The following COMMD1 variants were observed in gnomAD, a reference collection of about 807,000 sequenced individuals.
COMMD1 encodes copper metabolism domain containing 1.
Under a neutral mutation model 17.2 loss-of-function variants are expected in COMMD1, and 10 were observed. The ratio of observed to expected loss-of-function variants is 0.58; its 90% CI spans 0.36 to 0.99. The LOEUF (loss-of-function observed/expected upper bound fraction) is 0.99, where lower values mean the gene tolerates loss of function less well. Among genes scored for constraint, COMMD1 ranks in the 50% least tolerant of loss-of-function variants. COMMD1 has a pLI of 0.01. For synonymous variants in COMMD1, 97 were observed against 91.6 expected (o/e 1.06, Z -0.34); for missense variants, 270 against 231.8 (o/e 1.17, Z -1.07).
chr2:61,970,572 G>C (rs187895448), intron 1 of COMMD1, among the ~76,000 whole-genome samples: 3 of 152,066 alleles, frequency 2.0e-5, no homozygotes, highest in Admixed American at 2.0e-4. Context: ...AAAAAGTTTG[G>C]TACATGTTTA....
chr2:62,083,735 G>T (rs1212592073), intron 2 of COMMD1, among the ~76,000 whole-genome samples: 2 of 152,210 alleles, frequency 1.3e-5, no homozygotes, highest in African/African-American at 4.8e-5. Context: ...AACAAGTTTT[G>T]CCCAAGGGGC....
intron 1 of COMMD1, among the ~76,000 whole-genome samples, chr2:61,949,662 TAAA>T (rs756145318): frequency 9.2e-6 from 1 of 109,182 alleles, no homozygotes; most frequent in African/African-American, 3.3e-5. Flanking sequence ...TCAGTTAAAA[TAAA>T]AAAAAGAATG....
intron 1 of COMMD1, among the ~76,000 whole-genome samples, chr2:61,975,118 C>CTTTTTT: frequency 2.4e-3 from 190 of 80,110 alleles, no homozygotes; most frequent in East Asian, 4.1e-3. Context: ...TCATTTCTTT[C>CTTTTTT]TTTTTTTTTT....
chr2:61,908,347 C>T (rs892024781), intron 1 of COMMD1, among the ~76,000 whole-genome samples: 1 of 151,812 alleles, frequency 6.6e-6, no homozygotes, highest in Non-Finnish European at 1.5e-5. Context: ...CTGCCTCAGC[C>T]TCCCGAGTAG....
intron 2 of COMMD1, among the ~76,000 whole-genome samples, chr2:62,019,023 TTCCCTCCC>T (rs201583202): frequency 7.7e-6 from 1 of 129,346 alleles, no homozygotes; most frequent in African/African-American, 3.9e-5. Context: ...ACCAACCAAC[TTCCCTCCC>T]TCCCTCCCTC....
intron 1 of COMMD1, among the ~76,000 whole-genome samples, chr2:61,945,795 A>G (rs1670890032): frequency 6.6e-6 from 1 of 152,232 alleles, no homozygotes; most frequent in Admixed American, 6.5e-5. Flanking sequence ...GCAGATTTAA[A>G]GACATTCTCA....
At chr2:62,111,779 G>A (rs1483925646) in intron 2 of COMMD1, among the ~76,000 whole-genome samples, 1 of 152,166 alleles carries the variant, frequency 6.6e-6, no homozygotes, top group Non-Finnish European at 1.5e-5. Context: ...TACTCACCAT[G>A]CCAAAGTGCC....
chr2:62,000,826 G>A lies in COMMD1; in HGVS notation c.306G>A (p.Lys102=). 6.2e-7 allele frequency: 1 copy of A among 1,614,114 alleles called. No individual in the cohort carries two copies. Among genetic ancestry groups the A allele is most frequent in the South Asian group, 1.1e-5 (1 of 91,084 alleles). ...TTTCCAAATTCTGGAAGAGCCACAA[G>A]ACAAAAATCCGTGAGAGCCTCATGA... ...AVISKFWKSH[K]TKIRESLMNQ... is the part of the protein sequence containing the mutation. The change falls in exon 2 of 3, where the codon AAG becomes AAA. Residue 102 remains lysine, a synonymous_variant. Coordinates refer to ENST00000311832, the MANE Select transcript of COMMD1 (RefSeq NM_152516.4).
chr2:61,969,528 C>G (rs774847315), intron 1 of COMMD1, among the ~76,000 whole-genome samples: 6 of 152,194 alleles, frequency 3.9e-5, no homozygotes, highest in Non-Finnish European at 7.3e-5. Flanking sequence ...TTCTTGGAAA[C>G]TTGACAGAAC....
chr2:62,050,691 T>C (rs1197553365), intron 2 of COMMD1, among the ~76,000 whole-genome samples: 1 of 152,224 alleles, frequency 6.6e-6, no homozygotes, highest in Non-Finnish European at 1.5e-5. Flanking sequence ...AGCTGACTTA[T>C]GTCATGTGGT....
intron 2 of COMMD1, among the ~76,000 whole-genome samples, chr2:62,065,338 CTTTTTTTT>C (rs57243558): frequency 2.9e-4 from 13 of 44,418 alleles, no homozygotes; most frequent in Admixed American, 1.6e-3. Context: ...TATGTACTTA[CTTTTTTTT>C]TTTTTTTTTT....
intron 1 of COMMD1, among the ~76,000 whole-genome samples, chr2:61,973,908 C>T (rs774208182): frequency 5.3e-5 from 8 of 152,154 alleles, no homozygotes; most frequent in Non-Finnish European, 8.8e-5. Context: ...CTGAAAATTC[C>T]CTTGTGCCTC....
chr2:61,970,572 G>T (rs187895448), intron 1 of COMMD1, among the ~76,000 whole-genome samples: 1 of 152,066 alleles, frequency 6.6e-6, no homozygotes, highest in Admixed American at 6.6e-5. Flanking sequence ...AAAAAGTTTG[G>T]TACATGTTTA....
chr2:61,908,616 A>G (rs894896763), intron 1 of COMMD1, among the ~76,000 whole-genome samples: 11 of 151,992 alleles, frequency 7.2e-5, no homozygotes, highest in Admixed American at 6.6e-5. Context: ...GCCAGAGTGC[A>G]GTGGCGTGAT....
At chr2:61,924,435 G>C (rs948046471) in intron 1 of COMMD1, among the ~76,000 whole-genome samples, 1 of 150,502 alleles carries the variant, frequency 6.6e-6, no homozygotes, top group Non-Finnish European at 1.5e-5. Flanking sequence ...GGCATATGGT[G>C]GGGGGTCATG....
intron 1 of COMMD1, among the ~76,000 whole-genome samples, chr2:61,988,869 C>T (rs1672172447): frequency 6.6e-6 from 1 of 152,162 alleles, no homozygotes; most frequent in African/African-American, 2.4e-5. Flanking sequence ...TTGGCTAGAG[C>T]TGATCTAAAT....
chr2:62,006,689 G>T lies in COMMD1; in HGVS notation c.462+5707G>T, dbSNP rs1007383310. On this transcript the variant is annotated intron_variant, in intron 2 of 2. Coordinates refer to ENST00000311832, the MANE Select transcript of COMMD1 (RefSeq NM_152516.4). The stretch of plus-strand genomic sequence containing the variant: ...TGAGACTGAAATCCTGTCATATTTG[G>T]CCATAAATCACTGTGAGATCTGAGC... 2.6e-5 allele frequency among the ~76,000 whole-genome samples: 4 copies of T among 152,148 alleles called. No individual in the cohort carries two copies. The East Asian group carries it at 7.7e-4, about 29-fold the overall frequency.
chr2:61,960,591 T>C (rs1443138977), intron 1 of COMMD1, among the ~76,000 whole-genome samples: 2 of 152,196 alleles, frequency 1.3e-5, no homozygotes, highest in African/African-American at 2.4e-5. Context: ...TATGCTCCCA[T>C]TGGGGGCAGT....
intron 2 of COMMD1, among the ~76,000 whole-genome samples, chr2:62,020,656 C>T (rs954572243): frequency 3.9e-5 from 6 of 152,172 alleles, no homozygotes; most frequent in East Asian, 1.9e-4. Context: ...AAGCCATTCT[C>T]GTTCTTGAAA....
Sources: gnomAD v4.1 joint callset for allele counts (sites outside exome capture counted in the v4.1 genomes callset) on GRCh38, gnomAD v4.1.1 for gene constraint, MANE v1.5 for transcripts, NCBI Gene and HGNC (gene_info 2026-07-23, HGNC 2026-07-21) for gene names.